FOXN1: variants seen among roughly 807,000 people sequenced by gnomAD.
FOXN1 encodes the protein forkhead box protein N1.
A neutral mutation model predicts 49.0 loss-of-function variants in FOXN1; 15 were observed. The observed-to-expected ratio is 0.31, with a 90% CI of 0.20 to 0.47. The LOEUF (loss-of-function observed/expected upper bound fraction) is 0.47. Among genes scored for constraint, FOXN1 ranks in the 20% least tolerant of loss-of-function variants. FOXN1 has a pLI of 1.00. For synonymous variants in FOXN1, 356 were observed against 369.0 expected (o/e 0.96, Z 0.40); for missense variants, 800 against 842.8 (o/e 0.95, Z 0.63).
chr17:28,536,965 C>T (rs1597570835), intron 8 of FOXN1, 152 bp from the exon 9 acceptor site: 1 of 704,798 alleles, frequency 1.4e-6, no homozygotes, highest in East Asian at 2.7e-5. Flanking sequence ...CAGCAACTGC[C>T]TGGGGTCACA....
rs760220220 is a variant in FOXN1, at chr17:28,529,255, A to G, written c.830+31A>G. On this transcript the variant is annotated intron_variant, in intron 5 of 8. Coordinates refer to ENST00000579795, the MANE Select transcript of FOXN1 (RefSeq NM_001369369.1). The stretch of plus-strand genomic sequence containing the variant: ...TTTCCCACTCTCCAGGGATGGGAGG[A>G]GGAGGGGAGTGAGAGGGCCCCTGGG... 24 of 1,613,112 alleles carry G rather than the reference A, an allele frequency of 1.5e-5. No homozygotes were observed. The African/African-American group carries it at 2.5e-4, about 17-fold the overall frequency.
intron 4 of FOXN1, 140 bp from the exon 5 acceptor site, chr17:28,528,954 T>G: frequency 2.4e-5 from 25 of 1,031,530 alleles, no homozygotes; most frequent in Non-Finnish European, 3.3e-5. Flanking sequence ...CAGCTCTGCT[T>G]TGGGGGTGAT....
chr17:28,508,241 G>A (rs1258835381), intron 1 of FOXN1, among the ~76,000 whole-genome samples: 2 of 152,196 alleles, frequency 1.3e-5, no homozygotes, highest in African/African-American at 2.4e-5. Context: ...AAAATTAGGG[G>A]GCTTAGGACC....
rs771004105 is a variant in FOXN1 at position 28,535,051 on chromosome 17, C to T, written c.1480C>T (p.Pro494Ser). Reference protein sequence around the residue: ...QPGTPQDSPLPAHTPPSHSAK... With the variant: ...QPGTPQDSPLSAHTPPSHSAK... ...AGGCACCCCCCAGGACTCGCCTCTG[C>T]CTGCCCACACCCCACCCAGCCACAG... The change falls in exon 8 of 9, where the codon CCT becomes TCT. Residue 494 changes from proline to serine, a missense_variant. Coordinates refer to ENST00000579795, the MANE Select transcript of FOXN1 (RefSeq NM_001369369.1). The T allele has an allele frequency of 1.2e-6, 2 of 1,611,076 alleles. No homozygotes were observed. Among genetic ancestry groups the T allele is most frequent in the Non-Finnish European group, 1.7e-6 (2 of 1,177,980 alleles).
chr17:28,534,199 G>A lies in FOXN1; in HGVS notation c.928-132G>A. The A allele has an allele frequency of 7.5e-7, 1 of 1,333,440 alleles. No homozygotes were observed. The highest frequency in any genetic ancestry group is 1.1e-6 in the Non-Finnish European group (1 of 947,590). The allele number at this position is 1,333,440 out of a possible 1,614,324, so 82.6% of individuals were successfully genotyped here. Reference sequence around the variant, plus strand: ...CCAAGCAAGGGATGGGTGCTGAGGAGGACAACAAGCCCCAGAGTGGGCGGC... The same window carrying A: ...CCAAGCAAGGGATGGGTGCTGAGGAAGACAACAAGCCCCAGAGTGGGCGGC... On this transcript the variant is annotated intron_variant, in intron 6 of 8. Transcript: ENST00000579795. This position sits in a 1 kb window ranked among gnomAD's most constrained non-coding sequence, Gnocchi z 4.1.
chr17:28,527,285 A>G lies in FOXN1; in HGVS notation c.623A>G (p.Glu208Gly). ...SEVKVKPPVL[E>G]SGAGMFCYQP... ...GTCAAAGTCAAGCCCCCAGTTCTGG[A>G]GAGTGGTGCTGGGATGTTCTGCTAC... The change falls in exon 4 of 9, where the codon GAG becomes GGG. Residue 208 changes from glutamate (E) to glycine (G), a missense_variant. Around this residue, in one of 3 missense-constraint regions of FOXN1, gnomAD observed 383 missense variants for 357.9 expected, o/e 1.07. Coordinates refer to ENST00000579795, the MANE Select transcript of FOXN1 (RefSeq NM_001369369.1). 6.2e-7 allele frequency: 1 copy of G among 1,613,920 alleles called. No homozygotes were observed. The highest frequency in any genetic ancestry group is 8.5e-7 in the Non-Finnish European group (1 of 1,179,826).
At chr17:28,507,796 G>C (rs1413496815) in intron 1 of FOXN1, among the ~76,000 whole-genome samples, 3 of 152,212 alleles carry the variant, frequency 2.0e-5, no homozygotes, top group Admixed American at 1.3e-4. Context: ...CAAGACACAG[G>C]CAGTACAAGG....
rs1308592195 is a variant in FOXN1 at position 28,527,371 on chromosome 17, G to A, written c.699+10G>A. The A allele has an allele frequency of 2.0e-6, 3 of 1,524,380 alleles. No individual in the cohort carries two copies. Among genetic ancestry groups the A allele is most frequent in the Non-Finnish European group, 2.7e-6 (3 of 1,100,066 alleles). 94.4% of individuals were successfully genotyped at this position (1,524,380 alleles called of 1,614,324 possible). Reference sequence around the variant, plus strand: ...GCCCCCCTTCCACCAGGTGGGTCTGGGGCAAGTGGGCCTGCTTCCCCCAGG... The same window carrying A: ...GCCCCCCTTCCACCAGGTGGGTCTGAGGCAAGTGGGCCTGCTTCCCCCAGG... On this transcript the variant is annotated intron_variant, in intron 4 of 8. Coordinates refer to ENST00000579795, the MANE Select transcript of FOXN1 (RefSeq NM_001369369.1).
In FOXN1 at chr17:28,537,851, C is replaced by T. The variant is rs954867617; in HGVS notation, c.*415C>T. The stretch of plus-strand genomic sequence containing the variant: ...GTTTCTGGGGCAACTGAGAGCTGAG[C>T]GCTTTGCTTACCAAAAGCTCAGGGC... On this transcript the variant is annotated 3_prime_UTR_variant, in exon 9 of 9. Transcript: ENST00000579795. 13 of 297,416 alleles carry T rather than the reference C, an allele frequency of 4.4e-5. No homozygotes were observed. The highest frequency in any genetic ancestry group is 1.7e-4 in the African/African-American group (8 of 46,300). 18.4% of individuals were successfully genotyped at this position (297,416 alleles called of 1,614,324 possible). A position where few individuals can be genotyped will look rare whatever the true frequency, so the allele number is the denominator to read the frequency against.
chr17:28,533,492 C>CG (rs1555610630), intron 6 of FOXN1, among the ~76,000 whole-genome samples: 6 of 151,128 alleles, frequency 4.0e-5, no homozygotes, highest in African/African-American at 1.5e-4. Context: ...AGCACCCCCC[C>CG]CCACTGCCTG....
At chr17:28,508,415 C>T (rs2069312297) in intron 1 of FOXN1, among the ~76,000 whole-genome samples, 1 of 152,196 alleles carries the variant, frequency 6.6e-6, no homozygotes, top group Admixed American at 6.5e-5. Flanking sequence ...ATGTGCCATC[C>T]GTTGCCTCAG....
rs376727518 is a variant in FOXN1, at chr17:28,524,486, A to T, written c.124-17A>T. ...TTCAGCCTCCACTCACAGGCTCGCTACTCTCTGTCTACCCAGAAGCATGCC... is the reference window on the plus strand; with the variant it reads ...TTCAGCCTCCACTCACAGGCTCGCTTCTCTCTGTCTACCCAGAAGCATGCC... On this transcript the variant is annotated splice_polypyrimidine_tract_variant and intron_variant, in intron 2 of 8. Coordinates refer to ENST00000579795, the MANE Select transcript of FOXN1 (RefSeq NM_001369369.1). 79 of 1,610,844 alleles carry T rather than the reference A, an allele frequency of 4.9e-5. No individual in the cohort carries two copies. Among genetic ancestry groups the T allele is most frequent in the Non-Finnish European group, 6.4e-5 (75 of 1,177,752 alleles).
chr17:28,513,292 G>A (rs1384002003), intron 1 of FOXN1, among the ~76,000 whole-genome samples: 1 of 152,016 alleles, frequency 6.6e-6, no homozygotes, highest in African/African-American at 2.4e-5. Flanking sequence ...AAAAAAACCA[G>A]AATAAACATT....
chr17:28,535,423 G>C (rs554701510), intron 8 of FOXN1, among the ~76,000 whole-genome samples: 5 of 152,264 alleles, frequency 3.3e-5, no homozygotes, highest in African/African-American at 1.2e-4. Context: ...CCTCCTCCTG[G>C]TGCTCCAAAC....
In FOXN1 at chr17:28,530,814, A is replaced by G; in HGVS notation, c.896A>G (p.Asn299Ser). 1.3e-6 allele frequency: 2 copies of G among 1,584,984 alleles called. No homozygotes were observed. Among genetic ancestry groups the G allele is most frequent in the Non-Finnish European group, 8.6e-7 (1 of 1,163,644 alleles). ...TGSLPVSEIY[N>S]FMTEHFPYFK... is the part of the protein sequence containing the mutation. ...AGCCTTCCCGTCAGCGAGATCTACA[A>G]TTTTATGACGGAGCACTTTCCTTAC... The change falls in exon 6 of 9, where the codon AAT becomes AGT. Residue 299 changes from asparagine (N) to serine (S), a missense_variant. This residue lies in a region of FOXN1 where 73 missense variants were observed against 118.9 expected (regional missense o/e 0.61). Coordinates refer to ENST00000579795, the MANE Select transcript of FOXN1 (RefSeq NM_001369369.1).
chr17:28,529,932 G>A (rs1432488343), intron 5 of FOXN1, among the ~76,000 whole-genome samples: 2 of 151,494 alleles, frequency 1.3e-5, no homozygotes, highest in Non-Finnish European at 2.9e-5. Flanking sequence ...GCAGAAATGA[G>A]TTCAAGACCA....
intron 8 of FOXN1, among the ~76,000 whole-genome samples, chr17:28,536,088 A>G (rs1459811409): frequency 6.6e-6 from 1 of 152,098 alleles, no homozygotes; most frequent in Non-Finnish European, 1.5e-5. Flanking sequence ...GGAGGTTTGG[A>G]ACGGGGTGAC....
chr17:28,533,165 G>A (rs923107916), intron 6 of FOXN1, among the ~76,000 whole-genome samples: 4 of 152,210 alleles, frequency 2.6e-5, no homozygotes, highest in African/African-American at 7.2e-5. Context: ...GGGCAAGTGA[G>A]CTGAGGAGGA....
At chr17:28,526,298 T>G (rs1216700187) in intron 3 of FOXN1, among the ~76,000 whole-genome samples, 1 of 152,228 alleles carries the variant, frequency 6.6e-6, no homozygotes, top group Non-Finnish European at 1.5e-5. Context: ...CGAGATTCTA[T>G]GATTATGGCA....
Sources: gnomAD v4.1 joint callset for allele counts (sites outside exome capture counted in the v4.1 genomes callset) on GRCh38, gnomAD v4.1.1 for gene constraint, gnomAD v4.1.1 regional missense constraint, Gnocchi (gnomAD v3.1) non-coding constraint, MANE v1.5 for transcripts, NCBI Gene and HGNC (gene_info 2026-07-23, HGNC 2026-07-21) for gene names.